Variants in GRWD1 observed in about 807,000 individuals in gnomAD.
GRWD1 encodes the protein glutamate rich WD repeat containing 1.
A neutral mutation model predicts 45.3 loss-of-function variants in GRWD1; 29 were observed. The ratio of observed to expected loss-of-function variants is 0.64; its 90% confidence interval spans 0.48 to 0.87. The LOEUF (loss-of-function observed/expected upper bound fraction) is 0.87. GRWD1 is among the 40% of genes least tolerant of loss of function. GRWD1 has a pLI of 0.00. For missense variants in GRWD1, 592 were observed against 618.8 expected (o/e 0.96, Z 0.46); for synonymous variants, 262 against 257.6 (o/e 1.02, Z -0.16).
Position 48,453,712 on chromosome 19 carries a change from G to C in GRWD1, c.*687G>C, listed in dbSNP as rs1971502524. 2 of 152,230 alleles carry C rather than the reference G, an allele frequency of 1.3e-5. No individual in the cohort carries two copies. The highest frequency in any genetic ancestry group is 6.5e-5 in the Admixed American group (1 of 15,274). The allele number at this position is 152,230 out of a possible 1,614,324, so 9.4% of individuals were successfully genotyped here. A position where few individuals can be genotyped will look rare whatever the true frequency, so the allele number is the denominator to read the frequency against. On this transcript the variant is annotated 3_prime_UTR_variant, in exon 7 of 7. Transcript: ENST00000253237. ...GATATACAGTGGCTGCACCAAATTG[G>C]AGGTGTGGGTTCCTCCAACACAATT...
Position 48,452,224 on chromosome 19 carries a change from T to A in GRWD1, c.1024-484T>A, listed in dbSNP as rs1418675019. Among the ~76,000 whole-genome samples the A allele has an allele frequency of 6.6e-6, 1 of 151,876 alleles. No homozygotes were observed. The highest frequency in any genetic ancestry group is 1.5e-5 in the Non-Finnish European group (1 of 67,972). The stretch of plus-strand genomic sequence containing the variant: ...AAGCGATTCTCCTGCCTCAGCCTCC[T>A]GAGTAACTGGGATTACAGGCATGTG... On this transcript the variant is annotated intron_variant, in intron 6 of 6. Coordinates refer to ENST00000253237, the MANE Select transcript of GRWD1 (RefSeq NM_031485.4). The surrounding 1 kb of genome is among the most constrained non-coding windows in gnomAD (Gnocchi z 5.1).
Position 48,453,135 on chromosome 19 carries a change from G to C in GRWD1, c.*110G>C, listed in dbSNP as rs902157966. 15 of 947,908 alleles carry C rather than the reference G, an allele frequency of 1.6e-5. No homozygotes were observed. The highest frequency in any genetic ancestry group is 2.2e-5 in the Non-Finnish European group (14 of 645,176). 58.7% of individuals were successfully genotyped at this position (947,908 alleles called of 1,614,324 possible). A position where few individuals can be genotyped will look rare whatever the true frequency, so the allele number is the denominator to read the frequency against. Reference sequence around the variant, plus strand: ...TTGACTGAGACTGGCCGGCCTGTGGGCTGCCGTGATGGATTCTGTTTGACG... The same window carrying C: ...TTGACTGAGACTGGCCGGCCTGTGGCCTGCCGTGATGGATTCTGTTTGACG... On this transcript the variant is annotated 3_prime_UTR_variant, in exon 7 of 7. Transcript: ENST00000253237.
In GRWD1 at chr19:48,450,630, G is replaced by A; in HGVS notation, c.683-36G>A. On this transcript the variant is annotated intron_variant, in intron 4 of 6. Transcript: ENST00000253237. This position sits in a 1 kb window ranked among gnomAD's most constrained non-coding sequence, Gnocchi z 5.1. ...CAAGGAGGGGAGCGAGCTGCGGCCA[G>A]GTGGGGCGAGGTCATTTCCTGACTC... 1 of 1,610,792 alleles carries A rather than the reference G, an allele frequency of 6.2e-7. No homozygotes were observed. The highest frequency in any genetic ancestry group is 8.5e-7 in the Non-Finnish European group (1 of 1,178,006).
Position 48,446,785 on chromosome 19 carries a change from G to A in GRWD1, c.410G>A (p.Arg137Gln), listed in dbSNP as rs1006520417. 5 of 1,614,132 alleles carry A rather than the reference G, an allele frequency of 3.1e-6. No homozygotes were observed. Among genetic ancestry groups the A allele is most frequent in the Non-Finnish European group, 4.2e-6 (5 of 1,180,028 alleles). Residue 137 changes from arginine to glutamine, a missense_variant, in exon 3 of 7, where the codon CGG (arginine) becomes CAG (glutamine). Coordinates refer to ENST00000253237, the MANE Select transcript of GRWD1 (RefSeq NM_031485.4). ...EEEDEEDEEE[R>Q]KPQLELAMVP... The stretch of plus-strand genomic sequence containing the variant: ...GAAGATGAAGAGGATGAAGAAGAGC[G>A]GAAACCTCAGCTGGAGCTGGCCATG...
intron 1 of GRWD1, 50 bp from the exon 2 acceptor site, chr19:48,446,335 G>A: frequency 6.3e-7 from 1 of 1,583,324 alleles, no homozygotes; most frequent in Non-Finnish European, 8.7e-7. Context: ...GGTGGGGACT[G>A]AGCTCTTACT....
At chr19:48,451,955 C>T (rs903834202) in intron 6 of GRWD1, among the ~76,000 whole-genome samples, 6 of 152,154 alleles carry the variant, frequency 3.9e-5, no homozygotes, top group Non-Finnish European at 7.3e-5. Context: ...TGAGCGGGGC[C>T]TTTGCTGTAG....
Position 48,452,908 on chromosome 19 carries a change from G to C in GRWD1, c.1224G>C (p.Leu408=), listed in dbSNP as rs370734297. The part of the protein sequence containing the change: ...PGLADLPQQL[L]FVHQGETELK... Reference sequence around the variant, plus strand: ...TGGCCGACCTCCCGCAGCAGCTGCTGTTCGTGCACCAGGGCGAGACCGAGC... The same window carrying C: ...TGGCCGACCTCCCGCAGCAGCTGCTCTTCGTGCACCAGGGCGAGACCGAGC... Residue 408 remains leucine, a synonymous_variant, in exon 7 of 7, where the codon CTG becomes CTC. Coordinates refer to ENST00000253237, the MANE Select transcript of GRWD1 (RefSeq NM_031485.4). This position sits in a 1 kb window ranked among gnomAD's most constrained non-coding sequence, Gnocchi z 5.1. The C allele has an allele frequency of 9.9e-6, 16 of 1,612,174 alleles. No individual in the cohort carries two copies. In the African/African-American group the frequency reaches 1.6e-4, roughly 16 times the overall value.
chr19:48,451,275 C>A, intron 6 of GRWD1, 44 bp downstream of exon 6: 1 of 1,485,390 alleles, frequency 6.7e-7, no homozygotes. Context: ...AAGCTTGCTC[C>A]CAGCAGCCCC....
rs3760795 is a variant in GRWD1, at chr19:48,446,507, G to A, written c.305+5G>A. The A allele has an allele frequency of 0.018, 28,957 of 1,613,046 alleles. 382 individuals are homozygous for A. The highest frequency in any genetic ancestry group is 0.044 in the East Asian group (1,972 of 44,872). ...TGAGAGCGCCCAGAGCAACAGGTAAGACCCGAGGCTTTTCCAGGACCAGGA... is the reference window on the plus strand; with the variant it reads ...TGAGAGCGCCCAGAGCAACAGGTAAAACCCGAGGCTTTTCCAGGACCAGGA... On this transcript the variant is annotated splice_donor_5th_base_variant and intron_variant, in intron 2 of 6. Coordinates refer to ENST00000253237, the MANE Select transcript of GRWD1 (RefSeq NM_031485.4).
Position 48,452,007 on chromosome 19 carries a change from C to T in GRWD1, c.1024-701C>T, listed in dbSNP as rs149579060. Reference sequence around the variant, plus strand: ...CTTAGTCTTTCTTTGGGTCGGCTTCCGGGGATTGTGTTTCTGCCTCCTTTG... The same window carrying T: ...CTTAGTCTTTCTTTGGGTCGGCTTCTGGGGATTGTGTTTCTGCCTCCTTTG... On this transcript the variant is annotated intron_variant, in intron 6 of 6. Coordinates refer to ENST00000253237, the MANE Select transcript of GRWD1 (RefSeq NM_031485.4). This position sits in a 1 kb window ranked among gnomAD's most constrained non-coding sequence, Gnocchi z 5.1. 2.7e-3 allele frequency among the ~76,000 whole-genome samples: 412 copies of T among 152,164 alleles called. 1 individual carries two copies. Among genetic ancestry groups the T allele is most frequent in the African/African-American group, 9.2e-3 (384 of 41,514 alleles).
Position 48,452,825 on chromosome 19 carries a change from T to A in GRWD1, c.1141T>A (p.Trp381Arg). 1 of 1,613,608 alleles carries A rather than the reference T, an allele frequency of 6.2e-7. No homozygotes were observed. Among genetic ancestry groups the A allele is most frequent in the South Asian group, 1.1e-5 (1 of 91,048 alleles). ...GGGTGCAGACCACCAGATCACACAG[T>A]GGGACCTGGCAGTGGAGCGGGACCC... Reference protein sequence around the residue: ...ASGADHQITQWDLAVERDPEA... With the variant: ...ASGADHQITQRDLAVERDPEA... The change falls in exon 7 of 7, where the codon TGG becomes AGG. Residue 381 changes from tryptophan to arginine, a missense_variant. Transcript: ENST00000253237. This position sits in a 1 kb window ranked among gnomAD's most constrained non-coding sequence, Gnocchi z 5.1.
rs1971518327 is a variant in GRWD1, at chr19:48,454,761, T to G, written c.*1736T>G. On this transcript the variant is annotated 3_prime_UTR_variant, in exon 7 of 7. Transcript: ENST00000253237. ...AGAATCCACCCCCAGGTTCAGTGCC[T>G]CCAACTCTCACCCCATCCCCATTTT... 1 of 151,676 alleles carries G rather than the reference T, an allele frequency of 6.6e-6. No homozygotes were observed. Among genetic ancestry groups the G allele is most frequent in the Non-Finnish European group, 1.5e-5 (1 of 68,144 alleles). 9.4% of individuals were successfully genotyped at this position (151,676 alleles called of 1,614,324 possible).
In GRWD1 at chr19:48,450,182, T is replaced by A; in HGVS notation, c.469-131T>A. The A allele has an allele frequency of 3.1e-6, 2 of 641,058 alleles. No homozygotes were observed. The highest frequency in any genetic ancestry group is 3.4e-5 in the South Asian group (2 of 58,386). The allele number at this position is 641,058 out of a possible 1,614,324, so 39.7% of individuals were successfully genotyped here. On this transcript the variant is annotated intron_variant, in intron 3 of 6. Transcript: ENST00000253237. This position sits in a 1 kb window ranked among gnomAD's most constrained non-coding sequence, Gnocchi z 5.1. ...TCTTCCCACAGAGGTTTCAAGGAGCTGTAGTCCCAGGCCTGGGAGATCTGA... is the reference window on the plus strand; with the variant it reads ...TCTTCCCACAGAGGTTTCAAGGAGCAGTAGTCCCAGGCCTGGGAGATCTGA...
In GRWD1 at chr19:48,446,030, C is replaced by T. The variant is rs547531552; in HGVS notation, c.25C>T (p.Arg9Cys). MAARKGRR[R>C]TCETGEPMEA... is the part of the protein sequence containing the mutation. Reference sequence around the variant, plus strand: ...GATGGCGGCGCGCAAGGGTCGGCGGCGCACGTGTGAAACCGGGGAACCCAT... The same window carrying T: ...GATGGCGGCGCGCAAGGGTCGGCGGTGCACGTGTGAAACCGGGGAACCCAT... Residue 9 changes from arginine (R) to cysteine (C), a missense_variant, in exon 1 of 7, where the codon CGC becomes TGC. Arg to Cys is a radical substitution (Grantham distance 180). Coordinates refer to ENST00000253237, the MANE Select transcript of GRWD1 (RefSeq NM_031485.4). 8.2e-6 allele frequency: 13 copies of T among 1,593,798 alleles called. No homozygotes were observed. In the African/African-American group the frequency reaches 1.2e-4, roughly 15 times the overall value.
At position 48,453,132 on chromosome 19, in the gene GRWD1, T is replaced by A; in HGVS notation, c.*107T>A. ...CTGTTGACTGAGACTGGCCGGCCTGTGGGCTGCCGTGATGGATTCTGTTTG... is the reference window on the plus strand; with the variant it reads ...CTGTTGACTGAGACTGGCCGGCCTGAGGGCTGCCGTGATGGATTCTGTTTG... On this transcript the variant is annotated 3_prime_UTR_variant, in exon 7 of 7. Transcript: ENST00000253237. 1 of 952,160 alleles carries A rather than the reference T, an allele frequency of 1.1e-6. No individual in the cohort carries two copies. The highest frequency in any genetic ancestry group is 1.5e-6 in the Non-Finnish European group (1 of 648,460). The allele number at this position is 952,160 out of a possible 1,614,324, so 59.0% of individuals were successfully genotyped here.
chr19:48,456,204 G>GC lies in GRWD1; in HGVS notation c.*3186dup, dbSNP rs1336479723. On this transcript the variant is annotated 3_prime_UTR_variant, in exon 7 of 7. Coordinates refer to ENST00000253237, the MANE Select transcript of GRWD1 (RefSeq NM_031485.4). ...CACAGGTCAGTGTCAGTGCCCACCTGCCCCCCCAGCCCACGGGGGTGGTTC... is the reference window on the plus strand; with the variant it reads ...CACAGGTCAGTGTCAGTGCCCACCTGCCCCCCCCAGCCCACGGGGGTGGTTC... The GC allele has an allele frequency of 4.6e-5, 7 of 152,314 alleles. No individual in the cohort carries two copies. Among genetic ancestry groups the GC allele is most frequent in the Non-Finnish European group, 8.8e-5 (6 of 68,200 alleles). The allele number at this position is 152,314 out of a possible 1,614,324, so 9.4% of individuals were successfully genotyped here.
chr19:48,447,403 C>T (rs1005312057), intron 3 of GRWD1, among the ~76,000 whole-genome samples: 3 of 152,104 alleles, frequency 2.0e-5, no homozygotes, highest in African/African-American at 4.8e-5. Context: ...CCACCACGCC[C>T]GGCTAATTTT....
chr19:48,446,873 A>G (rs1290153951), intron 3 of GRWD1, 30 bp downstream of exon 3: 14 of 1,599,938 alleles, frequency 8.8e-6, no homozygotes, highest in Non-Finnish European at 9.4e-6. Context: ...CCTGCTCTGC[A>G]TACTCTGAAA....
intron 6 of GRWD1, among the ~76,000 whole-genome samples, 176 bp downstream of exon 6, chr19:48,451,407 G>A (rs960711709): frequency 1.3e-5 from 2 of 152,180 alleles, no homozygotes; most frequent in African/African-American, 4.8e-5. Context: ...GCAAGAGGAA[G>A]GGTGGCGGGT....
Sources: gnomAD v4.1 joint callset for allele counts (sites outside exome capture counted in the v4.1 genomes callset) on GRCh38, gnomAD v4.1.1 for gene constraint, Gnocchi (gnomAD v3.1) non-coding constraint, MANE v1.5 for transcripts, NCBI Gene and HGNC (gene_info 2026-07-23, HGNC 2026-07-21) for gene names.